BMERB1: variants seen among roughly 807,000 people sequenced by gnomAD.
BMERB1 encodes the protein bMERB domain-containing protein 1.
Under a neutral mutation model 23.6 loss-of-function variants are expected in BMERB1, and 12 were observed. The ratio of observed to expected loss-of-function variants is 0.51; its 90% CI spans 0.33 to 0.82. The LOEUF (loss-of-function observed/expected upper bound fraction) is 0.82. Among genes scored for constraint, BMERB1 ranks in the 40% least tolerant of loss-of-function variants. The pLI, the probability that BMERB1 is intolerant of heterozygous loss-of-function variation, is 0.03. For synonymous variants in BMERB1, 122 were observed against 96.6 expected (o/e 1.26, Z -1.54); for missense variants, 247 against 255.4 (o/e 0.97, Z 0.22).
chr16:15,547,444 C>T (rs1258353943), intron 2 of BMERB1, among the ~76,000 whole-genome samples: 8 of 151,416 alleles, frequency 5.3e-5, no homozygotes, highest in African/African-American at 1.7e-4. Flanking sequence ...CAGGTTCAAG[C>T]GATTCTCCTG....
intron 1 of BMERB1, among the ~76,000 whole-genome samples, chr16:15,498,535 G>C (rs1188586772): frequency 3.4e-5 from 5 of 147,086 alleles, no homozygotes; most frequent in African/African-American, 5.0e-5. Flanking sequence ...GATAAAAAGA[G>C]GAAAGGAAAG....
chr16:15,582,332 C>A (rs1196767828), intron 4 of BMERB1, among the ~76,000 whole-genome samples: 5 of 152,130 alleles, frequency 3.3e-5, no homozygotes, highest in African/African-American at 1.2e-4. Flanking sequence ...ACCCAGGAGG[C>A]AGAGGTTGCA....
At chr16:15,510,072 A>G (rs34832985) in intron 1 of BMERB1, among the ~76,000 whole-genome samples, 74,478 of 152,048 alleles carry the variant, frequency 0.49, 20,213 homozygotes, top group Middle Eastern at 0.63. Context: ...AGGAGCCAGC[A>G]GGGGCTGCAA....
rs559245506 is a variant in BMERB1, at chr16:15,502,080, C to T, written c.107-13225C>T. Among the ~76,000 whole-genome samples, 20 of 152,322 alleles carry T rather than the reference C, an allele frequency of 1.3e-4. No individual in the cohort carries two copies. In the South Asian group the frequency reaches 2.9e-3, roughly 22 times the overall value. On this transcript the variant is annotated intron_variant, in intron 1 of 5. Transcript: ENST00000300006. ...GTCTCAAAGAGGTTAGGGCATTTGC[C>T]GAGGTCGGCCGTTAGAAAGATGCCG...
At chr16:15,512,326 A>G (rs2051678551) in intron 1 of BMERB1, among the ~76,000 whole-genome samples, 3 of 152,164 alleles carry the variant, frequency 2.0e-5, no homozygotes, top group Admixed American at 2.0e-4. Context: ...TGTTCTATCT[A>G]GAGATCCAAG....
intron 1 of BMERB1, among the ~76,000 whole-genome samples, chr16:15,510,902 G>A (rs998708180): frequency 2.6e-5 from 4 of 151,940 alleles, no homozygotes; most frequent in African/African-American, 7.3e-5. Flanking sequence ...GGATTTCACC[G>A]TGTTGGTCAC....
chr16:15,523,094 T>A (rs1054378203), intron 2 of BMERB1, among the ~76,000 whole-genome samples: 2 of 151,866 alleles, frequency 1.3e-5, no homozygotes, highest in African/African-American at 4.8e-5. Context: ...TGGGAAGGTT[T>A]CCCCCTGGAG....
intron 2 of BMERB1, among the ~76,000 whole-genome samples, chr16:15,531,391 G>A (rs1375870282): frequency 6.6e-6 from 1 of 152,098 alleles, no homozygotes; most frequent in Non-Finnish European, 1.5e-5. Flanking sequence ...ACCATGCCTG[G>A]CCCAAAATCC....
chr16:15,497,594 ATG>A (rs1182301603), intron 1 of BMERB1, among the ~76,000 whole-genome samples: 3 of 152,122 alleles, frequency 2.0e-5, no homozygotes, highest in African/African-American at 7.2e-5. Flanking sequence ...ACTATAATAA[ATG>A]TGTGTTGTTT....
At chr16:15,566,933 A>C (rs990556328) in intron 2 of BMERB1, among the ~76,000 whole-genome samples, 4 of 152,116 alleles carry the variant, frequency 2.6e-5, no homozygotes, top group Non-Finnish European at 5.9e-5. Context: ...CCTATATCCC[A>C]GCACTTTGAG....
At chr16:15,558,667 A>G (rs905299965) in intron 2 of BMERB1, among the ~76,000 whole-genome samples, 1 of 151,964 alleles carries the variant, frequency 6.6e-6, no homozygotes, top group African/African-American at 2.4e-5. Flanking sequence ...CATATGACAT[A>G]TATGTACCAT....
chr16:15,564,768 C>A (rs2030518479), intron 2 of BMERB1, among the ~76,000 whole-genome samples: 1 of 152,184 alleles, frequency 6.6e-6, no homozygotes, highest in South Asian at 2.1e-4. Flanking sequence ...TAAGACTTGG[C>A]TCATAGAAAC....
Position 15,519,430 on chromosome 16 carries a change from G to A in BMERB1, c.230+4002G>A, listed in dbSNP as rs139463688. Among the ~76,000 whole-genome samples the A allele has an allele frequency of 2.9e-3, 448 of 152,142 alleles. 3 individuals carry two copies. The highest frequency in any genetic ancestry group is 1.0e-2 in the African/African-American group (415 of 41,520). ...TCTTGTGACAGAGTCTCGCTCTGTC[G>A]CCCAGGCTGGAGTGCAGTGGTGCGA... On this transcript the variant is annotated intron_variant, in intron 2 of 5. Transcript: ENST00000300006.
At chr16:15,492,084 G>A (rs2051426369) in intron 1 of BMERB1, among the ~76,000 whole-genome samples, 1 of 152,158 alleles carries the variant, frequency 6.6e-6, no homozygotes. Flanking sequence ...GCAGAGGAGC[G>A]ACCATCCACC....
chr16:15,573,175 C>T (rs540368304), intron 3 of BMERB1, among the ~76,000 whole-genome samples: 1 of 152,278 alleles, frequency 6.6e-6, no homozygotes, highest in East Asian at 1.9e-4. Flanking sequence ...AGTTTATTTG[C>T]AAGGCTCCAA....
rs2030788339 is a variant in BMERB1 at position 15,573,682 on chromosome 16, T to C, written c.304+5626T>C. Among the ~76,000 whole-genome samples, 3 of 152,210 alleles carry C rather than the reference T, an allele frequency of 2.0e-5. No homozygotes were observed. In the East Asian group the frequency reaches 5.8e-4, roughly 29 times the overall value. On this transcript the variant is annotated intron_variant, in intron 3 of 5. Coordinates refer to ENST00000300006, the MANE Select transcript of BMERB1 (RefSeq NM_033201.3). ...TAATCTGGGGAGGGTCAGCATCTTG[T>C]AGCCTCCAGCTGCATGATTCCTAAA...
At chr16:15,527,142 A>C (rs1291563888) in intron 2 of BMERB1, among the ~76,000 whole-genome samples, 1 of 152,040 alleles carries the variant, frequency 6.6e-6, no homozygotes, top group South Asian at 2.1e-4. Context: ...CATTAAGAAC[A>C]TTCATACTGT....
At chr16:15,568,353 A>G (rs556262826) in intron 3 of BMERB1, among the ~76,000 whole-genome samples, 1 of 152,262 alleles carries the variant, frequency 6.6e-6, no homozygotes, top group East Asian at 1.9e-4. Flanking sequence ...AATATCCTAA[A>G]GAGGCTGGGC....
intron 2 of BMERB1, among the ~76,000 whole-genome samples, chr16:15,552,510 G>A (rs1050758131): frequency 1.3e-5 from 2 of 152,206 alleles, no homozygotes; most frequent in Admixed American, 1.3e-4. Context: ...AGGAGTGAAG[G>A]ATGTGCAGAG....
Sources: allele counts gnomAD v4.1 joint callset (sites outside exome capture counted in the v4.1 genomes callset), GRCh38; gene constraint gnomAD v4.1.1; transcripts MANE v1.5; gene names NCBI Gene and HGNC (gene_info 2026-07-23, HGNC 2026-07-21).